The following ABAT variants were observed in gnomAD, a reference collection of about 807,000 sequenced individuals.
ABAT encodes 4-aminobutyrate aminotransferase.
A neutral mutation model predicts 64.6 loss-of-function variants in ABAT; 45 were observed. The ratio of observed to expected loss-of-function variants is 0.70; its 90% confidence interval spans 0.55 to 0.89. ABAT has a LOEUF of 0.89. ABAT is among the 40% of genes least tolerant of loss of function. The probability of loss-of-function intolerance (pLI) is 0.00; values close to 1 mark genes in which losing one functional copy is unlikely to be tolerated. For missense variants in ABAT, 633 were observed against 658.4 expected, an observed-to-expected ratio of 0.96 and a Z score of 0.42; for synonymous variants, 297 against 250.5, an observed-to-expected ratio of 1.19 and a Z score of -1.75.
intron 12 of ABAT, 138 bp from the exon 13 acceptor site, chr16:8,774,752 C>T (rs1423301805): frequency 1.0e-6 from 1 of 992,316 alleles, no homozygotes; most frequent in Non-Finnish European, 1.5e-6. Flanking sequence ...AGCTCAAGAA[C>T]ATGGGGCTGG....
rs139044895 is a variant in ABAT, at chr16:8,739,673, G to A, written c.70+3864G>A. 1.1e-4 allele frequency among the ~76,000 whole-genome samples: 16 copies of A among 152,118 alleles called. No homozygotes were observed. In the East Asian group the frequency reaches 2.7e-3, roughly 26 times the overall value. ...GGCGGAGGTTATGGTTCATGTGAAA[G>A]CACTTTATTTGTATTTACAGTAAGG... On this transcript the variant is annotated intron_variant, in intron 2 of 15. Coordinates refer to ENST00000268251, the MANE Select transcript of ABAT (RefSeq NM_020686.6).
At chr16:8,693,418 G>A (rs1332783792) in intron 1 of ABAT, among the ~76,000 whole-genome samples, 2 of 152,134 alleles carry the variant, frequency 1.3e-5, no homozygotes, top group Admixed American at 1.3e-4. Context: ...GTGGAGCCAT[G>A]CATTTCAAAT....
rs1452410787 is a variant in ABAT at position 8,696,764 on chromosome 16, G to A, written c.-42+22053G>A. ...TAGGAAGTGTTCCCAGCAGCCGGGT[G>A]CCTGGGGGGCAGATTGGAGAAGCCT... On this transcript the variant is annotated intron_variant, in intron 1 of 15. Transcript: ENST00000268251. Among the ~76,000 whole-genome samples, 5 of 152,296 alleles carry A rather than the reference G, an allele frequency of 3.3e-5. No homozygotes were observed. In the East Asian group the frequency reaches 9.7e-4, roughly 29 times the overall value.
At chr16:8,681,598 G>C (rs2057334895) in intron 1 of ABAT, among the ~76,000 whole-genome samples, 1 of 149,112 alleles carries the variant, frequency 6.7e-6, no homozygotes, top group Non-Finnish European at 1.5e-5. Context: ...GTTGAAATGA[G>C]GTCTTTCTGC....
Position 8,776,592 on chromosome 16 carries a change from C to G in ABAT, c.1269+102C>G. 1 of 1,283,780 alleles carries G rather than the reference C, an allele frequency of 7.8e-7. No homozygotes were observed. Among genetic ancestry groups the G allele is most frequent in the South Asian group, 1.3e-5 (1 of 78,120 alleles). 79.5% of individuals were successfully genotyped at this position (1,283,780 alleles called of 1,614,324 possible). A position where few individuals can be genotyped will look rare whatever the true frequency, so the allele number is the denominator to read the frequency against. ...TCGGCATGGTGTTGTGCCTGCTGTTCCAGCAGTTCGTAACGGGCTGTGCTG... is the reference window on the plus strand; with the variant it reads ...TCGGCATGGTGTTGTGCCTGCTGTTGCAGCAGTTCGTAACGGGCTGTGCTG... On this transcript the variant is annotated intron_variant, in intron 14 of 15. Transcript: ENST00000268251. The surrounding 1 kb of genome is among the most constrained non-coding windows in gnomAD (Gnocchi z 4.4).
At chr16:8,740,942 C>T (rs1234203196) in intron 2 of ABAT, among the ~76,000 whole-genome samples, 1 of 152,246 alleles carries the variant, frequency 6.6e-6, no homozygotes, top group East Asian at 1.9e-4. Flanking sequence ...ACTTGACCTT[C>T]GTTCTGGCCA....
intron 1 of ABAT, chr16:8,683,562 A>AAC (rs1555483150): frequency 1.3e-5 from 2 of 150,040 alleles, no homozygotes; most frequent in Admixed American, 6.6e-5. Context: ...AAAAAAAAAA[A>AAC]AGAGAGAGAG....
intron 1 of ABAT, among the ~76,000 whole-genome samples, chr16:8,682,195 A>G (rs2057351075): frequency 7.9e-6 from 1 of 126,646 alleles, no homozygotes; most frequent in Non-Finnish European, 1.8e-5. Context: ...ATACACACAC[A>G]CACACACACA....
intron 9 of ABAT, among the ~76,000 whole-genome samples, chr16:8,766,883 C>T (rs1449610699): frequency 2.0e-5 from 3 of 151,650 alleles, no homozygotes; most frequent in East Asian, 2.0e-4. Context: ...GCAGGAGAAT[C>T]GCTTGAACCC....
chr16:8,717,961 G>C (rs922128143), intron 1 of ABAT, among the ~76,000 whole-genome samples: 1 of 152,022 alleles, frequency 6.6e-6, no homozygotes, highest in South Asian at 2.1e-4. Context: ...TCTTCTCCAT[G>C]AGGTGAGCTT....
intron 10 of ABAT, 66 bp downstream of exon 10, chr16:8,768,322 G>A (rs1049934109): frequency 1.1e-5 from 17 of 1,525,088 alleles, no homozygotes; most frequent in East Asian, 2.2e-5. Flanking sequence ...CAACAATAGC[G>A]GCGGCTGACA....
At chr16:8,749,961 T>A (rs2059432466) in intron 4 of ABAT, among the ~76,000 whole-genome samples, 1 of 152,180 alleles carries the variant, frequency 6.6e-6, no homozygotes, top group African/African-American at 2.4e-5. Flanking sequence ...ATGATCCACC[T>A]GCCTCGGCTT....
intron 12 of ABAT, among the ~76,000 whole-genome samples, 185 bp downstream of exon 12, chr16:8,773,102 C>CTA (rs1555493011): frequency 7.8e-5 from 5 of 64,428 alleles, no homozygotes; most frequent in South Asian, 1.1e-3. Flanking sequence ...TTCCCTAAAA[C>CTA]TATACACACA....
intron 1 of ABAT, among the ~76,000 whole-genome samples, chr16:8,678,290 C>A (rs1439418382): frequency 1.3e-5 from 2 of 152,116 alleles, no homozygotes; most frequent in African/African-American, 4.8e-5. Context: ...AGCGATCCTC[C>A]CGCCTTGGCT....
rs2142998980 is a variant in ABAT, at chr16:8,776,926, G to C, written c.1269+436G>C. Among the ~76,000 whole-genome samples the C allele has an allele frequency of 6.6e-6, 1 of 151,908 alleles. No individual in the cohort carries two copies. Among genetic ancestry groups the C allele is most frequent in the African/African-American group, 2.4e-5 (1 of 41,418 alleles). ...TTGTCTATTTATTTTTTGAGACCAA[G>C]TCTTGCTTTGTACCCAGGCTGGAGT... On this transcript the variant is annotated intron_variant, in intron 14 of 15. Coordinates refer to ENST00000268251, the MANE Select transcript of ABAT (RefSeq NM_020686.6). This position sits in a 1 kb window ranked among gnomAD's most constrained non-coding sequence, Gnocchi z 4.4.
chr16:8,736,017 C>A, intron 2 of ABAT: 1 of 562,576 alleles, frequency 1.8e-6, no homozygotes, highest in South Asian at 2.0e-5. Flanking sequence ...GTTTAATGGT[C>A]TCACAGTTTC....
At chr16:8,772,955 G>C in intron 12 of ABAT, 38 bp downstream of exon 12, 2 of 1,611,978 alleles carry the variant, frequency 1.2e-6, no homozygotes, top group Non-Finnish European at 1.7e-6. Flanking sequence ...GAGCCATTGG[G>C]TTTTCTGGGT....
intron 5 of ABAT, among the ~76,000 whole-genome samples, chr16:8,756,346 A>G (rs184856465): frequency 5.3e-5 from 8 of 152,356 alleles, no homozygotes; most frequent in African/African-American, 1.9e-4. Flanking sequence ...AGTTTAACAT[A>G]ACTACAGAGT....
In ABAT at chr16:8,777,126, C is replaced by G. The variant is rs541072883; in HGVS notation, c.1269+636C>G. On this transcript the variant is annotated intron_variant, in intron 14 of 15. Transcript: ENST00000268251. ...ATGTTGGCCAGGCTGGTCTCGAACC[C>G]CCGACCTCAGGTGATCCGCTTGCCT... Among the ~76,000 whole-genome samples, 28 of 152,192 alleles carry G rather than the reference C, an allele frequency of 1.8e-4. No individual in the cohort carries two copies. In the South Asian group the frequency reaches 5.6e-3, roughly 30 times the overall value.
Sources: allele counts gnomAD v4.1 joint callset (sites outside exome capture counted in the v4.1 genomes callset), GRCh38; gene constraint gnomAD v4.1.1; non-coding constraint Gnocchi (gnomAD v3.1); transcripts MANE v1.5; gene names NCBI Gene and HGNC (gene_info 2026-07-23, HGNC 2026-07-21).